RRP15: variants seen among roughly 807,000 people sequenced by gnomAD.
RRP15 encodes RRP15-like protein.
Under a neutral mutation model 27.1 loss-of-function variants are expected in RRP15, and 18 were observed. The ratio of observed to expected loss-of-function variants is 0.66; its 90% CI spans 0.46 to 0.98. The LOEUF is 0.98. Among genes scored for constraint, RRP15 ranks in the 50% least tolerant of loss-of-function variants. The probability of loss-of-function intolerance (pLI) is 0.00; values close to 1 mark genes in which losing one functional copy is unlikely to be tolerated. For synonymous variants in RRP15, 107 were observed against 109.4 expected (o/e 0.98, Z 0.14); for missense variants, 359 against 337.8 (o/e 1.06, Z -0.49).
chr1:218,295,376 C>T (rs1013452067), intron 1 of RRP15, among the ~76,000 whole-genome samples: 2 of 152,128 alleles, frequency 1.3e-5, no homozygotes, highest in Non-Finnish European at 2.9e-5. Context: ...GATTGTTACT[C>T]GGGGCTGTGA....
At chr1:218,290,598 G>A (rs139681383) in intron 1 of RRP15, among the ~76,000 whole-genome samples, 1 of 152,274 alleles carries the variant, frequency 6.6e-6, no homozygotes, top group African/African-American at 2.4e-5. Context: ...CTCTGGATTA[G>A]CTGGGACTAT....
intron 4 of RRP15, among the ~76,000 whole-genome samples, chr1:218,313,879 A>G (rs942073210): frequency 2.0e-5 from 3 of 152,194 alleles, no homozygotes; most frequent in African/African-American, 7.2e-5. Flanking sequence ...AGAAGCTGTA[A>G]TTCTTCGATC....
At chr1:218,308,062 CTTTTTTTTTTTTTT>C (rs56813511) in intron 4 of RRP15, among the ~76,000 whole-genome samples, 26 of 66,928 alleles carry the variant, frequency 3.9e-4, no homozygotes, top group South Asian at 1.4e-3. Context: ...TTCTTTCTTT[CTTTTTTTTTTTTTT>C]TTTTTTTTTT....
In RRP15 at chr1:218,296,849, C is replaced by T. The variant is rs145325189; in HGVS notation, c.140-5445C>T. 2.8e-3 allele frequency among the ~76,000 whole-genome samples: 433 copies of T among 152,124 alleles called. 5 individuals carry two copies. The highest frequency in any genetic ancestry group is 9.9e-3 in the African/African-American group (411 of 41,506). The stretch of plus-strand genomic sequence containing the variant: ...CTGCATGTGATGATTCCCTGGCATA[C>T]GAGTTATAAACTATAACAAGACTTA... On this transcript the variant is annotated intron_variant, in intron 1 of 4. Transcript: ENST00000366932.
At chr1:218,323,841 C>G (rs775793245) in intron 4 of RRP15, among the ~76,000 whole-genome samples, 1 of 152,192 alleles carries the variant, frequency 6.6e-6, no homozygotes, top group Non-Finnish European at 1.5e-5. Flanking sequence ...GCCCGGGTTC[C>G]GCTCCAACCT....
chr1:218,296,235 T>C (rs1406533541), intron 1 of RRP15, among the ~76,000 whole-genome samples: 1 of 152,198 alleles, frequency 6.6e-6, no homozygotes, highest in Non-Finnish European at 1.5e-5. Flanking sequence ...ATACAAAACT[T>C]TGTAGTGTCT....
At position 218,337,076 on chromosome 1, in the gene RRP15, T is replaced by A. The variant is rs1339930207; in HGVS notation, c.*5985T>A. On this transcript the variant is annotated 3_prime_UTR_variant, in exon 5 of 5. Transcript: ENST00000366932. Reference sequence around the variant, plus strand: ...AACCTTTGTAAGGCTAGCATGTAAATCAGATACAATAATATATAGTTCAGG... The same window carrying A: ...AACCTTTGTAAGGCTAGCATGTAAAACAGATACAATAATATATAGTTCAGG... 4 of 152,212 alleles carry A rather than the reference T, an allele frequency of 2.6e-5. No homozygotes were observed. The highest frequency in any genetic ancestry group is 4.8e-5 in the African/African-American group (2 of 41,442). The allele number at this position is 152,212 out of a possible 1,614,324, so 9.4% of individuals were successfully genotyped here.
At chr1:218,314,495 T>C (rs1200859283) in intron 4 of RRP15, among the ~76,000 whole-genome samples, 3 of 152,194 alleles carry the variant, frequency 2.0e-5, no homozygotes, top group Non-Finnish European at 4.4e-5. Flanking sequence ...GCGGATGTGA[T>C]GTTAAATCTG....
At chr1:218,322,868 G>C (rs751705887) in intron 4 of RRP15, among the ~76,000 whole-genome samples, 2 of 152,156 alleles carry the variant, frequency 1.3e-5, no homozygotes, top group African/African-American at 2.4e-5. Context: ...TACCAGCCTG[G>C]ATCCCATGCC....
chr1:218,305,815 G>A (rs1187813683), intron 3 of RRP15, among the ~76,000 whole-genome samples: 1 of 152,030 alleles, frequency 6.6e-6, no homozygotes, highest in Non-Finnish European at 1.5e-5. Flanking sequence ...AATCCATCTC[G>A]GTGTTACACA....
intron 4 of RRP15, among the ~76,000 whole-genome samples, chr1:218,330,656 C>T (rs1334129995): frequency 6.6e-6 from 1 of 152,012 alleles, no homozygotes; most frequent in East Asian, 1.9e-4. Context: ...TAATACCAAA[C>T]CTAGATTTAT....
chr1:218,307,707 T>C, intron 4 of RRP15, 75 bp downstream of exon 4: 1 of 978,516 alleles, frequency 1.0e-6, no homozygotes, highest in Non-Finnish European at 1.5e-6. Flanking sequence ...AAAACCAGAC[T>C]ATAGAATTAC....
At chr1:218,324,940 T>C (rs1656248928) in intron 4 of RRP15, among the ~76,000 whole-genome samples, 1 of 152,206 alleles carries the variant, frequency 6.6e-6, no homozygotes, top group South Asian at 2.1e-4. Flanking sequence ...CTCTGAGATA[T>C]TCTTTCCTAG....
chr1:218,322,217 G>C (rs1470096906), intron 4 of RRP15, among the ~76,000 whole-genome samples: 2 of 152,130 alleles, frequency 1.3e-5, no homozygotes, highest in Non-Finnish European at 2.9e-5. Flanking sequence ...CTCTGAACTT[G>C]AATAATTACT....
At chr1:218,305,175 T>C (rs369529076) in intron 3 of RRP15, 50 bp downstream of exon 3, 4 of 1,385,672 alleles carry the variant, frequency 2.9e-6, no homozygotes, top group South Asian at 1.2e-5. Context: ...AAAGCTATCA[T>C]AGTGGTTCTA....
intron 4 of RRP15, among the ~76,000 whole-genome samples, chr1:218,321,294 T>C (rs2102512216): frequency 6.6e-6 from 1 of 152,364 alleles, no homozygotes; most frequent in Middle Eastern, 3.4e-3. Context: ...AGTTCTTGCA[T>C]TTAGTCACTT....
chr1:218,321,742 G>C (rs906699116), intron 4 of RRP15, among the ~76,000 whole-genome samples: 2 of 151,812 alleles, frequency 1.3e-5, no homozygotes, highest in African/African-American at 4.8e-5. Flanking sequence ...TCATTCTCAG[G>C]ATGTCTTAAC....
chr1:218,332,134 GT>G lies in RRP15; in HGVS notation c.*1046del, dbSNP rs1656380931. 1.3e-5 allele frequency: 2 copies of G among 152,156 alleles called. No individual in the cohort carries two copies. The highest frequency in any genetic ancestry group is 2.9e-5 in the Non-Finnish European group (2 of 68,030). The allele number at this position is 152,156 out of a possible 1,614,324, so 9.4% of individuals were successfully genotyped here. On this transcript the variant is annotated 3_prime_UTR_variant, in exon 5 of 5. Coordinates refer to ENST00000366932, the MANE Select transcript of RRP15 (RefSeq NM_016052.4). The stretch of plus-strand genomic sequence containing the variant: ...AATGAGACAATTTCTCAGGAAGCAA[GT>G]TTGACATGCTTTAGTCTCTCTCTTC...
chr1:218,315,347 T>C (rs1656072095), intron 4 of RRP15, among the ~76,000 whole-genome samples: 1 of 152,204 alleles, frequency 6.6e-6, no homozygotes, highest in Admixed American at 6.5e-5. Context: ...TCTGCTGAAT[T>C]CTTGCTTCTA....
Sources: allele counts gnomAD v4.1 joint callset (sites outside exome capture counted in the v4.1 genomes callset), GRCh38; gene constraint gnomAD v4.1.1; transcripts MANE v1.5; gene names NCBI Gene and HGNC (gene_info 2026-07-23, HGNC 2026-07-21).